TSC2: variants seen among roughly 807,000 people sequenced by gnomAD.
TSC2 encodes tuberin.
A neutral mutation model predicts 202.2 loss-of-function variants in TSC2; 29 were observed. That is an observed-to-expected ratio of 0.14 (90% CI 0.11 to 0.20). The LOEUF is 0.20. TSC2 is among the 10% of genes least tolerant of loss of function. TSC2 has a pLI of 1.00. For synonymous variants in TSC2, 1,349 were observed against 1,044.0 expected (o/e 1.29, Z -5.63); for missense variants, 2,429 against 2,420.0 (o/e 1.00, Z -0.08).
intron 21 of TSC2, 23 bp from the exon 22 acceptor site, chr16:2,074,177 C>T: frequency 6.2e-7 from 1 of 1,610,052 alleles, no homozygotes. Flanking sequence ...CGGGTGGGGC[C>T]TGAGGTGTCC....
intron 23 of TSC2, 73 bp downstream of exon 23, chr16:2,075,965 A>C (rs1348525684): frequency 6.2e-7 from 1 of 1,611,724 alleles, no homozygotes; most frequent in African/African-American, 1.3e-5. Flanking sequence ...AAGCCCCGGC[A>C]GCCTTTGTCC....
rs998112709 is a variant in TSC2 at position 2,064,177 on chromosome 16, C to T, written c.1444-95C>T. The T allele has an allele frequency of 4.4e-5, 70 of 1,591,368 alleles. 1 individual carries two copies. The highest frequency in any genetic ancestry group is 5.4e-5 in the African/African-American group (4 of 74,482). On this transcript the variant is annotated intron_variant, in intron 14 of 41. Coordinates refer to ENST00000219476, the MANE Select transcript of TSC2 (RefSeq NM_000548.5). ...GTGCTGAAGTCCCGAGGGACATGTCCGCTGCTTGCGGGTCGGTTCCTGAGG... is the reference window on the plus strand; with the variant it reads ...GTGCTGAAGTCCCGAGGGACATGTCTGCTGCTTGCGGGTCGGTTCCTGAGG...
chr16:2,048,376 A>C, intron 1 of TSC2: 1 of 846,466 alleles, frequency 1.2e-6, no homozygotes, highest in South Asian at 1.4e-5. Flanking sequence ...CTGAGTAGAG[A>C]GCTCTCTAGA....
At chr16:2,056,559 A>T in intron 7 of TSC2, 85 bp from the exon 8 acceptor site, 1 of 1,568,020 alleles carries the variant, frequency 6.4e-7, no homozygotes, top group Non-Finnish European at 8.6e-7. Flanking sequence ...CGCAGGCTGA[A>T]GGAGGTGGGA....
At chr16:2,074,567 A>C (rs2151360253) in intron 22 of TSC2, 178 bp downstream of exon 22, 1 of 757,476 alleles carries the variant, frequency 1.3e-6, no homozygotes, top group African/African-American at 1.7e-5. Flanking sequence ...CCTGGCTTTG[A>C]GGGGCGGCTC....
At position 2,061,987 on chromosome 16, in the gene TSC2, G is replaced by A. The variant is rs1596303728; in HGVS notation, c.1236G>A (p.Glu412=). The A allele has an allele frequency of 6.2e-7, 1 of 1,614,182 alleles. No individual in the cohort carries two copies. The highest frequency in any genetic ancestry group is 8.5e-7 in the Non-Finnish European group (1 of 1,180,026). The change falls in exon 12 of 42, where the codon GAG becomes GAA. Residue 412 remains glutamate (E), a synonymous_variant. Transcript: ENST00000219476. The part of the protein sequence containing the change: ...GSQERYFELV[E]RCADQRPESS... ...AGGAGAGATACTTTGAACTGGTGGA[G>A]AGATGTGCGGACCAGAGGCCTGTGA...
intron 10 of TSC2, 47 bp downstream of exon 10, chr16:2,058,920 C>T (rs1567416531): frequency 6.3e-7 from 1 of 1,585,836 alleles, no homozygotes. Context: ...CGGGAGAGCT[C>T]CCCTCACGCC....
intron 16 of TSC2, among the ~76,000 whole-genome samples, chr16:2,066,827 A>G (rs1033962279): frequency 5.3e-5 from 8 of 151,420 alleles, no homozygotes; most frequent in Non-Finnish European, 1.0e-4. Flanking sequence ...TACTCGGCTA[A>G]TTTTTTGTAT....
intron 22 of TSC2, 164 bp downstream of exon 22, chr16:2,074,553 C>G (rs568100215): frequency 4.7e-6 from 4 of 850,052 alleles, no homozygotes; most frequent in Non-Finnish European, 7.6e-6. Flanking sequence ...TGAGTGCTCT[C>G]CTTCCTGGCT....
rs777457815 is a variant in TSC2 at position 2,062,556 on chromosome 16, C to T, written c.1317C>T (p.Asp439=). The part of the protein sequence containing the change: ...YRAQSIHPAK[D]GWIQNLQALM... ...CGCAGTCCATCCACCCGGCCAAGGA[C>T]GGCTGGATTCAGAACCTGCAGGCGC... The change falls in exon 13 of 42, where the codon GAC becomes GAT. Residue 439 remains aspartate (D), a synonymous_variant. Coordinates refer to ENST00000219476, the MANE Select transcript of TSC2 (RefSeq NM_000548.5). 23 of 1,612,188 alleles carry T rather than the reference C, an allele frequency of 1.4e-5. No individual in the cohort carries two copies. The highest frequency in any genetic ancestry group is 1.6e-4 in the Middle Eastern group (1 of 6,068).
In TSC2 at chr16:2,086,751, C is replaced by G. The variant is rs150239180; in HGVS notation, c.4869C>G (p.Thr1623=). ...CCTCAGCCGTCTTCCACATCGCCAC[C>G]CTGATGCCCACCAAGGACGTGGACA... is the stretch of plus-strand genomic sequence containing the variant. ...DIMQAVFHIA[T]LMPTKDVDKH... Residue 1623 remains threonine, a synonymous_variant, in exon 38 of 42, where the codon ACC becomes ACG. Transcript: ENST00000219476. 6.2e-7 allele frequency: 1 copy of G among 1,610,842 alleles called. No homozygotes were observed. The highest frequency in any genetic ancestry group is 1.7e-5 in the Admixed American group (1 of 59,998).
chr16:2,085,518 G>A (rs538902005), intron 36 of TSC2, among the ~76,000 whole-genome samples, 196 bp downstream of exon 36: 16 of 152,346 alleles, frequency 1.1e-4, no homozygotes, highest in South Asian at 4.1e-4. Context: ...ACAGGTTAGC[G>A]TGGGAGCACC....
At chr16:2,085,387 A>G in intron 36 of TSC2, 65 bp downstream of exon 36, 1 of 1,564,176 alleles carries the variant, frequency 6.4e-7, no homozygotes, top group Non-Finnish European at 8.8e-7. Flanking sequence ...TGCAGTGGGT[A>G]GGGAGTCTGG....
chr16:2,076,431 G>A, intron 24 of TSC2, 60 bp from the exon 25 acceptor site: 1 of 1,605,744 alleles, frequency 6.2e-7, no homozygotes, highest in Middle Eastern at 1.7e-4. Flanking sequence ...CGGCAGGCCT[G>A]GTGAGGGCCT....
chr16:2,057,309 C>T, intron 9 of TSC2, 131 bp downstream of exon 9: 1 of 1,083,520 alleles, frequency 9.2e-7, no homozygotes, highest in Non-Finnish European at 1.4e-6. Context: ...CAGAGGCTGC[C>T]ACTAGAGCGA....
chr16:2,075,674 C>T lies in TSC2; in HGVS notation c.2546-125C>T, dbSNP rs149801950. ...AGGCCAGGGTCGGGAAAGCCACGTCCGTGTGGCCGTGGCCTTCTCTCCTCT... is the reference window on the plus strand; with the variant it reads ...AGGCCAGGGTCGGGAAAGCCACGTCTGTGTGGCCGTGGCCTTCTCTCCTCT... On this transcript the variant is annotated intron_variant, in intron 22 of 41. Transcript: ENST00000219476. 26 of 996,908 alleles carry T rather than the reference C, an allele frequency of 2.6e-5. 2 individuals are homozygous for T. The Middle Eastern group carries it at 1.2e-3, about 46-fold the overall frequency. The allele number at this position is 996,908 out of a possible 1,614,324, so 61.8% of individuals were successfully genotyped here. A position where few individuals can be genotyped will look rare whatever the true frequency, so the allele number is the denominator to read the frequency against.
chr16:2,088,581 T>C lies in TSC2; in HGVS notation c.5395T>C (p.Ser1799Pro), dbSNP rs1231583517. Residue 1799 changes from serine to proline, a missense_variant, in exon 42 of 42, where the codon TCG becomes CCG. Ser to Pro is a moderately conservative substitution (Grantham distance 74). Transcript: ENST00000219476. ...EVGQRKRLIS[S>P]VEDFTEFV ...GGGCCAGCGGAAGCGCCTCATCTCC[T>C]CGGTGGAGGACTTCACCGAGTTTGT... 4 of 1,608,028 alleles carry C rather than the reference T, an allele frequency of 2.5e-6. No homozygotes were observed. In the Admixed American group the frequency reaches 6.7e-5, roughly 27 times the overall value.
chr16:2,085,111 T>C, intron 35 of TSC2, 85 bp downstream of exon 35: 3 of 1,603,850 alleles, frequency 1.9e-6, no homozygotes, highest in Admixed American at 1.7e-5. Flanking sequence ...TGCTGGGAGC[T>C]CAGGCTTGCA....
At position 2,088,688 on chromosome 16, in the gene TSC2, CACAG is replaced by C. The variant is rs2091238836; in HGVS notation, c.*82_*85del. The stretch of plus-strand genomic sequence containing the variant: ...AATAAATAAAGTCCTGACCCCAGTG[CACAG>C]ACATAGAGGCACAGATTGCAGTCAG... On this transcript the variant is annotated 3_prime_UTR_variant, in exon 42 of 42. Transcript: ENST00000219476. 4 of 1,514,150 alleles carry C rather than the reference CACAG, an allele frequency of 2.6e-6. No homozygotes were observed. The Admixed American group carries it at 5.9e-5, about 22-fold the overall frequency. The allele number at this position is 1,514,150 out of a possible 1,614,324, so 93.8% of individuals were successfully genotyped here.
Sources: allele counts gnomAD v4.1 joint callset (sites outside exome capture counted in the v4.1 genomes callset), GRCh38; gene constraint gnomAD v4.1.1; transcripts MANE v1.5; gene names NCBI Gene and HGNC (gene_info 2026-07-23, HGNC 2026-07-21).